Variants in ARHGEF16 observed in about 807,000 individuals in gnomAD.
The protein encoded by ARHGEF16 is Rho guanine nucleotide exchange factor 16.
A neutral mutation model predicts 74.1 loss-of-function variants in ARHGEF16; 59 were observed. The ratio of observed to expected loss-of-function variants is 0.80; its 90% CI spans 0.65 to 0.99. The LOEUF is 0.99. Among genes scored for constraint, ARHGEF16 ranks in the 50% least tolerant of loss-of-function variants. ARHGEF16 has a pLI of 0.00. For synonymous variants in ARHGEF16, 415 were observed against 412.6 expected (o/e 1.01, Z -0.07); for missense variants, 948 against 986.6 (o/e 0.96, Z 0.52).
At chr1:3,479,965 G>A in intron 14 of ARHGEF16, 52 bp downstream of exon 14, 1 of 1,573,006 alleles carries the variant, frequency 6.4e-7, no homozygotes, top group Non-Finnish European at 8.7e-7. Flanking sequence ...AGGCGGGCGT[G>A]AGTCAGCGTC....
In ARHGEF16 at chr1:3,469,376, C is replaced by T. The variant is rs41315280; in HGVS notation, c.862-57C>T. On this transcript the variant is annotated intron_variant, in intron 5 of 14. Coordinates refer to ENST00000378378, the MANE Select transcript of ARHGEF16 (RefSeq NM_014448.4). ...GTCCTCCTGTTCCAAGCATTGGTCA[C>T]CGAGGCACGCCCGTGTCCAGCGTCA... 9.5e-3 allele frequency: 15,108 copies of T among 1,593,260 alleles called. 109 individuals carry two copies. The highest frequency in any genetic ancestry group is 0.011 in the Non-Finnish European group (13,401 of 1,166,334).
At chr1:3,477,751 C>G in intron 10 of ARHGEF16, 124 bp from the exon 11 acceptor site, 3 of 882,226 alleles carry the variant, frequency 3.4e-6, no homozygotes, top group South Asian at 3.2e-5. Flanking sequence ...GTCACCCAGT[C>G]CAGAGGCAGG....
chr1:3,468,976 T>C (rs1639628546), intron 5 of ARHGEF16, 40 bp downstream of exon 5: 4 of 1,546,938 alleles, frequency 2.6e-6, no homozygotes, highest in Non-Finnish European at 3.5e-6. Flanking sequence ...CCCCATGGCC[T>C]GGGCCATGCA....
intron 10 of ARHGEF16, among the ~76,000 whole-genome samples, chr1:3,476,790 G>A (rs1335563778): frequency 1.3e-5 from 2 of 152,066 alleles, no homozygotes; most frequent in South Asian, 2.1e-4. Flanking sequence ...TCAGGGCCAC[G>A]GACAACCAAG....
intron 1 of ARHGEF16, among the ~76,000 whole-genome samples, chr1:3,461,305 C>T (rs979335904): frequency 3.3e-5 from 5 of 152,232 alleles, no homozygotes; most frequent in Non-Finnish European, 5.9e-5. Flanking sequence ...TTGGTCACTG[C>T]GGCGCAGACG....
At chr1:3,469,881 C>G (rs1404847662) in intron 6 of ARHGEF16, among the ~76,000 whole-genome samples, 6 of 152,134 alleles carry the variant, frequency 3.9e-5, no homozygotes, top group Non-Finnish European at 4.4e-5. Flanking sequence ...TGCCAAGCAC[C>G]ACCCCACCAG....
In ARHGEF16 at chr1:3,479,795, G is replaced by A; in HGVS notation, c.1889-17G>A. The A allele has an allele frequency of 1.2e-6, 2 of 1,610,612 alleles. No homozygotes were observed. Among genetic ancestry groups the A allele is most frequent in the Non-Finnish European group, 1.7e-6 (2 of 1,179,012 alleles). On this transcript the variant is annotated splice_polypyrimidine_tract_variant and intron_variant, in intron 13 of 14. Coordinates refer to ENST00000378378, the MANE Select transcript of ARHGEF16 (RefSeq NM_014448.4). ...CATGCCTCCCGACAGCCCTGTGATG[G>A]CCACTGCCCTATGCAGACCTGCCCC...
At chr1:3,465,566 C>G (rs1358964638) in intron 2 of ARHGEF16, among the ~76,000 whole-genome samples, 1 of 144,546 alleles carries the variant, frequency 6.9e-6, no homozygotes, top group Admixed American at 7.0e-5. Context: ...GGCCCCAACT[C>G]GTTCCGAGAA....
In ARHGEF16 at chr1:3,477,774, C is replaced by T. The variant is rs113134706; in HGVS notation, c.1474-101C>T. ...GTCCAGAGGCAGGAGTCAGTCCCAC[C>T]TGGTGCTATGCGTCCTTGACCCCCT... On this transcript the variant is annotated intron_variant, in intron 10 of 14. Coordinates refer to ENST00000378378, the MANE Select transcript of ARHGEF16 (RefSeq NM_014448.4). The T allele has an allele frequency of 3.5e-5, 40 of 1,131,212 alleles. No homozygotes were observed. In the African/African-American group the frequency reaches 5.1e-4, roughly 14 times the overall value. The allele number at this position is 1,131,212 out of a possible 1,614,324, so 70.1% of individuals were successfully genotyped here. A position where few individuals can be genotyped will look rare whatever the true frequency, so the allele number is the denominator to read the frequency against.
chr1:3,470,561 G>A lies in ARHGEF16; in HGVS notation c.1022+968G>A, dbSNP rs552441227. Among the ~76,000 whole-genome samples the A allele has an allele frequency of 6.3e-4, 95 of 150,460 alleles. 1 individual carries two copies. The highest frequency in any genetic ancestry group is 2.3e-3 in the African/African-American group (92 of 40,846). On this transcript the variant is annotated intron_variant, in intron 6 of 14. Transcript: ENST00000378378. ...TATGCGTGGTCAGGGTTATGTGTGAGTGGGTAGGGGTGTGTGTGAGTGGCT... is the reference window on the plus strand; with the variant it reads ...TATGCGTGGTCAGGGTTATGTGTGAATGGGTAGGGGTGTGTGTGAGTGGCT...
rs3931607 is a variant in ARHGEF16 at position 3,455,668 on chromosome 1, C to A, written c.-20+857C>A. On this transcript the variant is annotated intron_variant, in intron 1 of 14. Coordinates refer to ENST00000378378, the MANE Select transcript of ARHGEF16 (RefSeq NM_014448.4). The stretch of plus-strand genomic sequence containing the variant: ...GTCTGTGCACCACCTAACATGGGGG[C>A]CTAGGGGGTGCGTGTGGGCCTGGCT... Among the ~76,000 whole-genome samples the A allele has an allele frequency of 2.0e-5, 3 of 152,074 alleles. No homozygotes were observed. In the South Asian group the frequency reaches 6.2e-4, roughly 32 times the overall value.
At position 3,480,820 on chromosome 1, in the gene ARHGEF16, GC is replaced by G; in HGVS notation, c.*236del. The G allele has an allele frequency of 1.6e-6, 1 of 606,478 alleles. No individual in the cohort carries two copies. The highest frequency in any genetic ancestry group is 2.8e-6 in the Non-Finnish European group (1 of 357,238). The allele number at this position is 606,478 out of a possible 1,614,324, so 37.6% of individuals were successfully genotyped here. On this transcript the variant is annotated 3_prime_UTR_variant, in exon 15 of 15. Coordinates refer to ENST00000378378, the MANE Select transcript of ARHGEF16 (RefSeq NM_014448.4). Reference sequence around the variant, plus strand: ...AGGGGGCCACACCGTGTCCCAGGGAGCCCAGCCTATTCCCGTTGGCTGGCTG... The same window carrying G: ...AGGGGGCCACACCGTGTCCCAGGGAGCCAGCCTATTCCCGTTGGCTGGCTG...
intron 3 of ARHGEF16, among the ~76,000 whole-genome samples, chr1:3,466,763 T>C (rs1191972655): frequency 6.6e-6 from 1 of 152,100 alleles, no homozygotes; most frequent in Non-Finnish European, 1.5e-5. Context: ...AGTGCCCAGC[T>C]CCAGGCCTGA....
In ARHGEF16 at chr1:3,473,281, C is replaced by T. The variant is rs369757580; in HGVS notation, c.1175+51C>T. ...AGGGTGGCTCAGGAGCATCCTGCACCCTGGTCTCCCAAAGCACATTCCTGC... is the reference window on the plus strand; with the variant it reads ...AGGGTGGCTCAGGAGCATCCTGCACTCTGGTCTCCCAAAGCACATTCCTGC... On this transcript the variant is annotated intron_variant, in intron 7 of 14. Transcript: ENST00000378378. 9.1e-5 allele frequency: 145 copies of T among 1,597,774 alleles called. No individual in the cohort carries two copies. The African/African-American group carries it at 1.8e-3, about 20-fold the overall frequency.
At chr1:3,461,609 C>T (rs1182169352) in intron 1 of ARHGEF16, among the ~76,000 whole-genome samples, 1 of 152,230 alleles carries the variant, frequency 6.6e-6, no homozygotes, top group Admixed American at 6.5e-5. Context: ...GGGTTGCAAG[C>T]AGCCCGGGGC....
At chr1:3,455,373 C>A (rs1639243614) in intron 1 of ARHGEF16, among the ~76,000 whole-genome samples, 1 of 152,048 alleles carries the variant, frequency 6.6e-6, no homozygotes, top group African/African-American at 2.4e-5. Context: ...CACCCTTGAC[C>A]TTGGTGGGCG....
At chr1:3,479,295 C>T (rs1639987625) in intron 12 of ARHGEF16, among the ~76,000 whole-genome samples, 1 of 152,090 alleles carries the variant, frequency 6.6e-6, no homozygotes, top group Non-Finnish European at 1.5e-5. Context: ...TCAGGTCCAG[C>T]AGGCTGGGGT....
chr1:3,478,540 A>G lies in ARHGEF16; in HGVS notation c.1742A>G (p.His581Arg). 5 of 1,612,394 alleles carry G rather than the reference A, an allele frequency of 3.1e-6. No homozygotes were observed. Among genetic ancestry groups the G allele is most frequent in the African/African-American group, 1.3e-5 (1 of 74,976 alleles). ...GGGNRSSSVP[H>R]PFQVTLLRNS... ...GGCAACCGTAGCTCCTCCGTGCCCCACCCCTTCCAGGTGACCCTGCTTCGC... is the reference window on the plus strand; with the variant it reads ...GGCAACCGTAGCTCCTCCGTGCCCCGCCCCTTCCAGGTGACCCTGCTTCGC... Residue 581 changes from histidine (H) to arginine (R), a missense_variant, in exon 12 of 15, where the codon CAC becomes CGC. By Grantham distance (29) the His-to-Arg change is conservative (BLOSUM62 0). Transcript: ENST00000378378.
intron 2 of ARHGEF16, chr1:3,465,911 G>A (rs992220354): frequency 2.9e-5 from 16 of 551,344 alleles, no homozygotes; most frequent in Non-Finnish European, 4.8e-5. Flanking sequence ...CTCACGATGA[G>A]TTCAACCCTT....
Sources: gnomAD v4.1 joint callset for allele counts (sites outside exome capture counted in the v4.1 genomes callset) on GRCh38, gnomAD v4.1.1 for gene constraint, MANE v1.5 for transcripts, NCBI Gene and HGNC (gene_info 2026-07-23, HGNC 2026-07-21) for gene names.